WNK2: variants seen among roughly 807,000 people sequenced by gnomAD.
WNK2 encodes the protein WNK lysine deficient protein kinase 2.
A neutral mutation model predicts 192.1 loss-of-function variants in WNK2; 67 were observed. The observed-to-expected ratio is 0.35, with a 90% CI of 0.29 to 0.43. The LOEUF (loss-of-function observed/expected upper bound fraction) is 0.43, where lower values mean the gene tolerates loss of function less well. WNK2 is among the 20% of genes least tolerant of loss of function. WNK2 has a pLI of 1.00. For synonymous variants in WNK2, 1,439 were observed against 1,393.9 expected, an observed-to-expected ratio of 1.03 and a Z score of -0.72; for missense variants, 2,698 against 3,089.7, an observed-to-expected ratio of 0.87 and a Z score of 3.01.
chr9:93,263,980 A>G lies in WNK2; in HGVS notation c.3643A>G (p.Thr1215Ala), dbSNP rs1374678198. ...GGAGACGCACAACCACAAGATGGTG[A>G]CCTTCAAGTTCGACTTGGACGGGGA... ...QLETHNHKMV[T>A]FKFDLDGDAP... Residue 1215 changes from threonine (T) to alanine (A), a missense_variant, in exon 16 of 30, where the codon ACC becomes GCC. Around this residue, in one of 7 missense-constraint regions of WNK2, gnomAD observed 21 missense variants for 53.2 expected, o/e 0.39. Coordinates refer to ENST00000427277, the MANE Select transcript of WNK2 (RefSeq NM_006648.4). The G allele has an allele frequency of 6.2e-7, 1 of 1,613,316 alleles. No homozygotes were observed. The highest frequency in any genetic ancestry group is 1.3e-5 in the African/African-American group (1 of 74,818).
intron 29 of WNK2, chr9:93,319,456 C>T (rs561533623): frequency 1.3e-5 from 13 of 970,970 alleles, no homozygotes; most frequent in East Asian, 1.1e-4. Flanking sequence ...GCCCCGAGCA[C>T]GGTCAGCTCT....
chr9:93,258,274 T>A (rs577928942), intron 11 of WNK2, among the ~76,000 whole-genome samples: 2 of 152,286 alleles, frequency 1.3e-5, no homozygotes, highest in Middle Eastern at 6.8e-3. Flanking sequence ...AGGAGGCACA[T>A]GTAATGCTGA....
chr9:93,195,560 G>A (rs906203638), intron 2 of WNK2, among the ~76,000 whole-genome samples: 1 of 151,788 alleles, frequency 6.6e-6, no homozygotes, highest in Non-Finnish European at 1.5e-5. Context: ...TTAGCTGGGC[G>A]TGGTGGCGGG....
intron 7 of WNK2, among the ~76,000 whole-genome samples, chr9:93,245,531 G>T (rs1331809663): frequency 6.6e-6 from 1 of 152,222 alleles, no homozygotes; most frequent in African/African-American, 2.4e-5. Flanking sequence ...AGCTTCACCC[G>T]CCAGTTAGGC....
chr9:93,290,119 C>A, intron 21 of WNK2, 72 bp downstream of exon 21: 1 of 1,351,992 alleles, frequency 7.4e-7, no homozygotes, highest in Non-Finnish European at 1.0e-6. Context: ...CCTTCTGCAT[C>A]CGCACCCTCG....
At chr9:93,218,260 C>T (rs1339094068) in intron 2 of WNK2, among the ~76,000 whole-genome samples, 1 of 152,168 alleles carries the variant, frequency 6.6e-6, no homozygotes, top group Non-Finnish European at 1.5e-5. Context: ...TGCCCCACCC[C>T]ACAGGAGCTG....
intron 12 of WNK2, among the ~76,000 whole-genome samples, chr9:93,261,437 C>A (rs1037267551): frequency 5.3e-5 from 8 of 152,218 alleles, no homozygotes; most frequent in Non-Finnish European, 5.9e-5. Flanking sequence ...AGGCCCTATG[C>A]ACACTCTGAC....
chr9:93,320,439 T>C lies in WNK2; in HGVS notation c.*47T>C, dbSNP rs769980486. 1 of 1,367,256 alleles carries C rather than the reference T, an allele frequency of 7.3e-7. No homozygotes were observed. Among genetic ancestry groups the C allele is most frequent in the Admixed American group, 1.9e-5 (1 of 52,586 alleles). 84.7% of individuals were successfully genotyped at this position (1,367,256 alleles called of 1,614,324 possible). On this transcript the variant is annotated 3_prime_UTR_variant, in exon 30 of 30. Transcript: ENST00000427277. ...ACTTCACGCCGTCTAAGTGGAGAAG[T>C]GACGGACCCTCAGGGCCAGCTGCTC...
Position 93,317,251 on chromosome 9 carries a change from C to T in WNK2, c.6517-269C>T, listed in dbSNP as rs113610779. On this transcript the variant is annotated intron_variant, in intron 28 of 29. Coordinates refer to ENST00000427277, the MANE Select transcript of WNK2 (RefSeq NM_006648.4). ...TCAGGGTCCAGGCCCCACTAGTCCT[C>T]CTCCAAGTCCCATTTTGGCTGGTGG... The T allele has an allele frequency of 6.2e-3, 3,546 of 567,886 alleles. 24 individuals are homozygous for T. The highest frequency in any genetic ancestry group is 0.015 in the Middle Eastern group (31 of 2,102). The allele number at this position is 567,886 out of a possible 1,614,324, so 35.2% of individuals were successfully genotyped here.
At chr9:93,289,712 C>T (rs1849014457) in intron 20 of WNK2, 92 bp downstream of exon 20, 1 of 1,265,860 alleles carries the variant, frequency 7.9e-7, no homozygotes, top group Non-Finnish European at 1.1e-6. Flanking sequence ...CTTGGCTATG[C>T]AGAGCCGCCC....
intron 2 of WNK2, among the ~76,000 whole-genome samples, chr9:93,223,994 C>G (rs1837393251): frequency 6.6e-6 from 1 of 152,212 alleles, no homozygotes; most frequent in African/African-American, 2.4e-5. Context: ...GACCTGATGC[C>G]CTCCCATCCT....
At chr9:93,306,945 C>A in intron 27 of WNK2, 124 bp downstream of exon 27, 2 of 1,193,738 alleles carry the variant, frequency 1.7e-6, no homozygotes, top group Non-Finnish European at 2.5e-6. Flanking sequence ...CCCGCGCCTG[C>A]TCCATGCCTC....
chr9:93,217,817 CTG>C (rs1160068689), intron 2 of WNK2, among the ~76,000 whole-genome samples: 1 of 152,210 alleles, frequency 6.6e-6, no homozygotes, highest in East Asian at 1.9e-4. Flanking sequence ...TCCTAGTAGC[CTG>C]GCCTTCAAGG....
intron 10 of WNK2, chr9:93,256,698 C>G: frequency 1.5e-6 from 1 of 663,450 alleles, no homozygotes; most frequent in Non-Finnish European, 2.5e-6. Context: ...ACATGGAAGG[C>G]TCTGCTCACT....
chr9:93,318,951 T>A (rs1483486358), intron 29 of WNK2: 7 of 1,431,424 alleles, frequency 4.9e-6, no homozygotes, highest in Admixed American at 2.9e-5. Context: ...TTGGTTCAAA[T>A]CTATTATTCC....
intron 19 of WNK2, 153 bp downstream of exon 19, chr9:93,268,899 G>T: frequency 6.4e-7 from 1 of 1,565,930 alleles, no homozygotes; most frequent in Admixed American, 1.9e-5. Context: ...CTGTGGGGCT[G>T]TGTTCCTATC....
chr9:93,199,206 C>T (rs1214576503), intron 2 of WNK2, among the ~76,000 whole-genome samples: 1 of 152,200 alleles, frequency 6.6e-6, no homozygotes, highest in African/African-American at 2.4e-5. Context: ...ATGACCGATG[C>T]CTGGGGTCTC....
Position 93,262,114 on chromosome 9 carries a change from G to GC in WNK2, c.3360+11dup. On this transcript the variant is annotated splice_region_variant and intron_variant, in intron 13 of 29. Transcript: ENST00000427277. ...GGTGGAACCAGTCCAAGAGGTGTGT[G>GC]CCCCTCCCCCCAGCCTGTCCCATGA... 1 of 1,573,430 alleles carries GC rather than the reference G, an allele frequency of 6.4e-7. No homozygotes were observed. Among genetic ancestry groups the GC allele is most frequent in the East Asian group, 2.3e-5 (1 of 44,156 alleles).
At chr9:93,231,875 T>C (rs1838876467) in intron 4 of WNK2, among the ~76,000 whole-genome samples, 1 of 152,226 alleles carries the variant, frequency 6.6e-6, no homozygotes, top group Admixed American at 6.5e-5. Flanking sequence ...GGTGTGCTCC[T>C]GGCACAGTGG....
Sources: gnomAD v4.1 joint callset for allele counts (sites outside exome capture counted in the v4.1 genomes callset) on GRCh38, gnomAD v4.1.1 for gene constraint, gnomAD v4.1.1 regional missense constraint, MANE v1.5 for transcripts, NCBI Gene and HGNC (gene_info 2026-07-23, HGNC 2026-07-21) for gene names.